SLC14A2: variants seen among roughly 807,000 people sequenced by gnomAD.
The protein encoded by SLC14A2 is solute carrier family 14 member 2.
In SLC14A2, 91 loss-of-function variants were observed where a neutral mutation model predicts 104.6. The observed-to-expected ratio is 0.87, with a 90% CI of 0.73 to 1.04. The LOEUF (loss-of-function observed/expected upper bound fraction) is 1.04. Among genes scored for constraint, SLC14A2 ranks in the 50% least tolerant of loss-of-function variants. The probability of loss-of-function intolerance (pLI) is 0.00; values close to 1 mark genes in which losing one functional copy is unlikely to be tolerated. For synonymous variants in SLC14A2, 476 were observed against 466.4 expected, an observed-to-expected ratio of 1.02 and a Z score of -0.27; for missense variants, 1,189 against 1,156.0, an observed-to-expected ratio of 1.03 and a Z score of -0.41.
chr18:45,464,549 G>A (rs897575466), intron 1 of SLC14A2, among the ~76,000 whole-genome samples: 4 of 152,202 alleles, frequency 2.6e-5, no homozygotes, highest in East Asian at 1.9e-4. Flanking sequence ...AATAAAGCCC[G>A]GCATGAGTGG....
chr18:45,625,525 G>A (rs540800129), intron 2 of SLC14A2, among the ~76,000 whole-genome samples, 158 bp from the exon 3 acceptor site: 132 of 152,252 alleles, frequency 8.7e-4, no homozygotes, highest in South Asian at 2.1e-3. Flanking sequence ...AGGCTTGTAC[G>A]GGGCACTCTA....
chr18:45,174,507 A>G, the SLC14A2 span, among the ~76,000 whole-genome samples: 1 of 152,254 alleles, frequency 6.6e-6, no homozygotes, highest in African/African-American at 2.4e-5. Flanking sequence ...AAACCCTGCT[A>G]AAGTGGAGAG....
intron 1 of SLC14A2, among the ~76,000 whole-genome samples, chr18:45,403,749 T>C (rs561930712): frequency 4.6e-5 from 7 of 151,222 alleles, no homozygotes; most frequent in African/African-American, 1.7e-4. Context: ...AGAGTAACAA[T>C]TTAATCAGTG....
chr18:45,559,324 A>AC (rs1020130634), intron 2 of SLC14A2, among the ~76,000 whole-genome samples: 1 of 152,056 alleles, frequency 6.6e-6, no homozygotes, highest in African/African-American at 2.4e-5. Flanking sequence ...TTGAAGTTGA[A>AC]CCCCTTAATC....
intron 8 of SLC14A2, among the ~76,000 whole-genome samples, chr18:45,641,999 C>G (rs887432613): frequency 1.3e-5 from 2 of 152,204 alleles, no homozygotes; most frequent in Non-Finnish European, 2.9e-5. Context: ...CCAGGCATAG[C>G]CTGCCTGGCC....
Position 45,637,093 on chromosome 18 carries a change from G to C in SLC14A2, c.754G>C (p.Gly252Arg). The change falls in exon 6 of 20, where the codon GGC (glycine) becomes CGC (arginine). Residue 252 changes from glycine (G) to arginine (R), a missense_variant. Coordinates refer to ENST00000255226, the MANE Select transcript of SLC14A2 (RefSeq NM_007163.4). Reference protein sequence around the residue: ...IAVTLYLAATGHYNLFFPTTL... With the variant: ...IAVTLYLAATRHYNLFFPTTL... ...AGTCACCTTGTACCTTGCAGCCACA[G>C]GCCACTACAACCTCTTCTTCCCCAC... 2 of 1,614,210 alleles carry C rather than the reference G, an allele frequency of 1.2e-6. No homozygotes were observed. The highest frequency in any genetic ancestry group is 1.7e-6 in the Non-Finnish European group (2 of 1,180,020).
chr18:45,642,084 G>A (rs999579744), intron 8 of SLC14A2, among the ~76,000 whole-genome samples: 1 of 152,204 alleles, frequency 6.6e-6, no homozygotes, highest in East Asian at 1.9e-4. Flanking sequence ...AATGGCAAAA[G>A]GGAGAGTCAA....
intron 1 of SLC14A2, among the ~76,000 whole-genome samples, chr18:45,462,960 G>A (rs1012196967): frequency 3.9e-5 from 6 of 152,116 alleles, no homozygotes; most frequent in African/African-American, 1.2e-4. Context: ...CTTTTAAAAC[G>A]AAATATGCTG....
At chr18:45,652,428 A>G (rs2045756614) in intron 10 of SLC14A2, among the ~76,000 whole-genome samples, 2 of 152,138 alleles carry the variant, frequency 1.3e-5, no homozygotes, top group African/African-American at 4.8e-5. Flanking sequence ...GGACCTCCCA[A>G]CCCCCTTCTA....
chr18:45,641,190 A>T lies in SLC14A2; in HGVS notation c.992-19A>T. On this transcript the variant is annotated intron_variant, in intron 7 of 19. Coordinates refer to ENST00000255226, the MANE Select transcript of SLC14A2 (RefSeq NM_007163.4). ...CTGTGGCCCAGAATCAGACAGAAAT[A>T]CCACACCTTGTCCCATAGCCCTGTC... 6.2e-7 allele frequency: 1 copy of T among 1,612,666 alleles called. No homozygotes were observed. The highest frequency in any genetic ancestry group is 8.5e-7 in the Non-Finnish European group (1 of 1,178,920).
chr18:45,580,249 T>G (rs1393017659), intron 2 of SLC14A2, among the ~76,000 whole-genome samples: 3 of 152,170 alleles, frequency 2.0e-5, no homozygotes, highest in African/African-American at 7.2e-5. Context: ...CATTTTGCAT[T>G]TTTTTATGAT....
chr18:45,661,344 G>C (rs1360753881), intron 10 of SLC14A2, among the ~76,000 whole-genome samples: 1 of 152,218 alleles, frequency 6.6e-6, no homozygotes, highest in Admixed American at 6.5e-5. Context: ...TTGGATATAT[G>C]AAGAATAACA....
intron 1 of SLC14A2, among the ~76,000 whole-genome samples, chr18:45,313,551 T>C (rs1324326351): frequency 6.6e-6 from 1 of 152,200 alleles, no homozygotes; most frequent in African/African-American, 2.4e-5. Flanking sequence ...TGATAATTAA[T>C]TGTGAGCAGG....
chr18:45,344,924 G>T (rs1008097644), intron 1 of SLC14A2, among the ~76,000 whole-genome samples: 2 of 152,182 alleles, frequency 1.3e-5, no homozygotes, highest in East Asian at 3.8e-4. Flanking sequence ...GCAGAGCTGT[G>T]CTGGTCCTGC....
At chr18:45,520,867 T>C (rs968742321) in intron 2 of SLC14A2, among the ~76,000 whole-genome samples, 3 of 152,352 alleles carry the variant, frequency 2.0e-5, no homozygotes. Context: ...GCCCAGGGCA[T>C]ATACAAGCTG....
At chr18:45,358,768 A>C (rs2085580673) in intron 1 of SLC14A2, among the ~76,000 whole-genome samples, 2 of 152,046 alleles carry the variant, frequency 1.3e-5, no homozygotes, top group Non-Finnish European at 2.9e-5. Flanking sequence ...TTTTGCAAAG[A>C]TGGTGATCTT....
At chr18:45,377,505 G>A (rs1039543105) in intron 1 of SLC14A2, among the ~76,000 whole-genome samples, 1 of 152,018 alleles carries the variant, frequency 6.6e-6, no homozygotes, top group Non-Finnish European at 1.5e-5. Flanking sequence ...CTAAAACCTA[G>A]TCCTTCCCAT....
chr18:45,268,301 C>T (rs1176713153), intron 1 of SLC14A2, among the ~76,000 whole-genome samples: 1 of 152,158 alleles, frequency 6.6e-6, no homozygotes, highest in African/African-American at 2.4e-5. Flanking sequence ...TATGTTCCTT[C>T]CTCAAACTAT....
At chr18:45,467,424 T>C (rs1216457263) in intron 1 of SLC14A2, among the ~76,000 whole-genome samples, 2 of 152,170 alleles carry the variant, frequency 1.3e-5, no homozygotes, top group Non-Finnish European at 2.9e-5. Context: ...CCTGACAGTT[T>C]AATAGCCAGA....
Sources: allele counts gnomAD v4.1 joint callset (sites outside exome capture counted in the v4.1 genomes callset), GRCh38; gene constraint gnomAD v4.1.1; transcripts MANE v1.5; gene names NCBI Gene and HGNC (gene_info 2026-07-23, HGNC 2026-07-21).